Variants in PTPRK observed in about 807,000 individuals in gnomAD.
The protein encoded by PTPRK is protein tyrosine phosphatase receptor type K, also known as receptor-type tyrosine-protein phosphatase kappa.
PTPRK carries 75 observed loss-of-function variants against 178.0 expected under a neutral mutation model. The ratio of observed to expected loss-of-function variants is 0.42; its 90% CI spans 0.35 to 0.51. The LOEUF is 0.51. PTPRK is among the 20% of genes least tolerant of loss of function. PTPRK has a pLI of 0.02. For missense variants in PTPRK, 1,441 were observed against 1,797.8 expected, an observed-to-expected ratio of 0.80 and a Z score of 3.59; for synonymous variants, 637 against 620.6, an observed-to-expected ratio of 1.03 and a Z score of -0.39.
Position 128,228,009 on chromosome 6 carries a change from C to T in PTPRK, c.694-8913G>A, listed in dbSNP as rs573211628. ...GGGAGAGAGAACATTAGGAGAAATA[C>T]CTAATGTAGGTGATGGGTTGATGAG... On this transcript the variant is annotated intron_variant, in intron 5 of 29. Coordinates refer to ENST00000368226, the MANE Select transcript of PTPRK (RefSeq NM_002844.4). Among the ~76,000 whole-genome samples the T allele has an allele frequency of 2.0e-5, 3 of 151,348 alleles. No individual in the cohort carries two copies. The East Asian group carries it at 5.8e-4, about 29-fold the overall frequency.
At chr6:128,498,798 G>A (rs1277194512) in intron 1 of PTPRK, among the ~76,000 whole-genome samples, 1 of 152,196 alleles carries the variant, frequency 6.6e-6, no homozygotes, top group Non-Finnish European at 1.5e-5. Context: ...ATGGCAGAGA[G>A]AGAGAAGACA....
At chr6:128,079,768 ATTCACATTT>A (rs1363551248) in intron 10 of PTPRK, among the ~76,000 whole-genome samples, 4 of 152,082 alleles carry the variant, frequency 2.6e-5, no homozygotes, top group African/African-American at 4.8e-5. Flanking sequence ...AAAAGTAGGA[ATTCACATTT>A]TATGAAAAGT....
intron 7 of PTPRK, among the ~76,000 whole-genome samples, chr6:128,121,464 A>G (rs958736477): frequency 9.2e-5 from 14 of 151,976 alleles, no homozygotes; most frequent in Admixed American, 6.6e-5. Context: ...AGGTTTTCAA[A>G]TATTTCTGGT....
chr6:128,296,926 T>C lies in PTPRK; in HGVS notation c.495+25113A>G, dbSNP rs1466260571. Among the ~76,000 whole-genome samples the C allele has an allele frequency of 2.6e-5, 4 of 151,898 alleles. No homozygotes were observed. The South Asian group carries it at 6.2e-4, about 24-fold the overall frequency. On this transcript the variant is annotated intron_variant, in intron 3 of 29. Transcript: ENST00000368226. ...AATGCTCCAATTAAAAGACACAGAC[T>C]GGCAAATCGGATAAAGAGTCAAGAC...
chr6:128,273,179 G>A (rs1162336694), intron 3 of PTPRK, among the ~76,000 whole-genome samples: 1 of 151,834 alleles, frequency 6.6e-6, no homozygotes, highest in Admixed American at 6.6e-5. Context: ...ACAGGGTGGG[G>A]AACAGCACAC....
At chr6:128,007,124 C>T (rs1266600324) in intron 14 of PTPRK, among the ~76,000 whole-genome samples, 1 of 150,650 alleles carries the variant, frequency 6.6e-6, no homozygotes, top group Admixed American at 6.6e-5. Context: ...ATATCCAATG[C>T]AATGCTGCTA....
intron 6 of PTPRK, among the ~76,000 whole-genome samples, chr6:128,210,074 T>G (rs1013912414): frequency 5.9e-5 from 9 of 151,924 alleles, no homozygotes; most frequent in Non-Finnish European, 4.4e-5. Flanking sequence ...TGGAGGGAGA[T>G]CAATAAGTAG....
intron 28 of PTPRK, 133 bp from the exon 29 acceptor site, chr6:127,973,290 T>C (rs570877814): frequency 9.1e-6 from 13 of 1,436,298 alleles, no homozygotes; most frequent in South Asian, 2.7e-5. Flanking sequence ...TTTTGCTTTA[T>C]ATGTGTACAA....
At chr6:127,983,086 A>C in intron 23 of PTPRK, 106 bp from the exon 24 acceptor site, 1 of 1,336,838 alleles carries the variant, frequency 7.5e-7, no homozygotes, top group Non-Finnish European at 1.0e-6. Flanking sequence ...AATATGAATT[A>C]AAACACCAAT....
At chr6:128,207,284 C>T (rs1402761982) in intron 6 of PTPRK, among the ~76,000 whole-genome samples, 1 of 152,158 alleles carries the variant, frequency 6.6e-6, no homozygotes, top group East Asian at 1.9e-4. Context: ...TAAGTACCCT[C>T]TCCCCGCTAC....
intron 1 of PTPRK, among the ~76,000 whole-genome samples, chr6:128,419,346 C>G (rs1303897292): frequency 6.6e-6 from 1 of 152,208 alleles, no homozygotes; most frequent in East Asian, 1.9e-4. Context: ...GGCGCGGTGG[C>G]TCACGCCTGT....
At chr6:127,983,145 C>T in intron 23 of PTPRK, 97 bp downstream of exon 23, 1 of 1,327,722 alleles carries the variant, frequency 7.5e-7, no homozygotes, top group Non-Finnish European at 1.0e-6. Flanking sequence ...AAAAACATCT[C>T]TTTCGGTTGA....
chr6:128,119,686 A>T (rs992109142), intron 7 of PTPRK, among the ~76,000 whole-genome samples: 2 of 152,080 alleles, frequency 1.3e-5, no homozygotes, highest in African/African-American at 4.8e-5. Context: ...AATCATGGTT[A>T]CTTCTCCTTT....
intron 1 of PTPRK, among the ~76,000 whole-genome samples, chr6:128,506,375 T>G (rs187340608): frequency 4.9e-4 from 75 of 152,274 alleles, no homozygotes; most frequent in Admixed American, 2.0e-3. Context: ...TTCTAGAAGG[T>G]AAGCAATTCT....
At chr6:128,202,893 A>G (rs1461635841) in intron 6 of PTPRK, among the ~76,000 whole-genome samples, 1 of 152,184 alleles carries the variant, frequency 6.6e-6, no homozygotes, top group Non-Finnish European at 1.5e-5. Flanking sequence ...ATTCTTCCCT[A>G]CCTCTTTCTA....
At chr6:128,069,550 A>C (rs1453738157) in intron 11 of PTPRK, among the ~76,000 whole-genome samples, 1 of 152,190 alleles carries the variant, frequency 6.6e-6, no homozygotes, top group Non-Finnish European at 1.5e-5. Flanking sequence ...TATATTATAC[A>C]TTTGCATGTC....
In PTPRK at chr6:128,163,502, A is replaced by C. The variant is rs1300789593; in HGVS notation, c.1162+20930T>G. On this transcript the variant is annotated intron_variant, in intron 7 of 29. Coordinates refer to ENST00000368226, the MANE Select transcript of PTPRK (RefSeq NM_002844.4). Reference sequence around the variant, plus strand: ...TAACTTTATGCATGGTGGCAGATAAAATGGAGAAATGTTATCACATTTGGA... The same window carrying C: ...TAACTTTATGCATGGTGGCAGATAACATGGAGAAATGTTATCACATTTGGA... 4.0e-5 allele frequency among the ~76,000 whole-genome samples: 6 copies of C among 151,430 alleles called. No individual in the cohort carries two copies. The Admixed American group carries it at 4.0e-4, about 10-fold the overall frequency.
intron 2 of PTPRK, among the ~76,000 whole-genome samples, chr6:128,330,510 C>T (rs1015041718): frequency 9.2e-5 from 14 of 152,116 alleles, no homozygotes; most frequent in South Asian, 6.2e-4. Flanking sequence ...ACTAGCAATT[C>T]TCATTGTTTC....
At chr6:128,117,920 G>T (rs532956954) in intron 7 of PTPRK, among the ~76,000 whole-genome samples, 1 of 152,026 alleles carries the variant, frequency 6.6e-6, no homozygotes, top group Admixed American at 6.6e-5. Flanking sequence ...AAGTGTTGGG[G>T]TTACAGGCTT....
Sources: gnomAD v4.1 joint callset for allele counts (sites outside exome capture counted in the v4.1 genomes callset) on GRCh38, gnomAD v4.1.1 for gene constraint, MANE v1.5 for transcripts, NCBI Gene and HGNC (gene_info 2026-07-23, HGNC 2026-07-21) for gene names.